Variants in RASGRP3 observed in about 807,000 individuals in gnomAD.
RASGRP3 encodes the protein ras guanyl-releasing protein 3.
RASGRP3 carries 54 observed loss-of-function variants against 82.7 expected under a neutral mutation model. The ratio of observed to expected loss-of-function variants is 0.65; its 90% CI spans 0.52 to 0.82. The LOEUF (loss-of-function observed/expected upper bound fraction) is 0.82. RASGRP3 is among the 40% of genes least tolerant of loss of function. RASGRP3 has a pLI of 0.00. For missense variants in RASGRP3, 861 were observed against 828.9 expected, an observed-to-expected ratio of 1.04 and a Z score of -0.48; for synonymous variants, 309 against 300.5, an observed-to-expected ratio of 1.03 and a Z score of -0.29.
At chr2:33,469,005 C>A (rs534676118) in intron 2 of RASGRP3, among the ~76,000 whole-genome samples, 2 of 148,446 alleles carry the variant, frequency 1.3e-5, no homozygotes, top group Admixed American at 1.4e-4. Context: ...TTTTCCAAAC[C>A]TCCTGCCAAC....
At chr2:33,534,533 CT>C in intron 11 of RASGRP3, 133 bp downstream of exon 11, 1 of 699,298 alleles carries the variant, frequency 1.4e-6, no homozygotes, top group East Asian at 2.8e-5. Flanking sequence ...CTTTCTTTTT[CT>C]TTTTTCTTTT....
chr2:33,561,129 C>CA (rs1417524738), intron 17 of RASGRP3, among the ~76,000 whole-genome samples: 21 of 151,686 alleles, frequency 1.4e-4, no homozygotes, highest in Admixed American at 1.1e-3. Flanking sequence ...TGCAGTGGCA[C>CA]AATCTTAGCT....
intron 1 of RASGRP3, among the ~76,000 whole-genome samples, chr2:33,441,886 A>C (rs899528216): frequency 6.6e-6 from 1 of 152,260 alleles, no homozygotes; most frequent in African/African-American, 2.4e-5. Context: ...CATAACAGAT[A>C]CATTTTGTAA....
chr2:33,497,243 G>A (rs986925667), intron 1 of RASGRP3, among the ~76,000 whole-genome samples: 4 of 152,134 alleles, frequency 2.6e-5, no homozygotes, highest in Admixed American at 2.0e-4. Flanking sequence ...ATATATACAT[G>A]CTCTGTTTCC....
rs145623459 is a variant in RASGRP3, at chr2:33,498,566, T to A, written c.-260-13144T>A. On this transcript the variant is annotated intron_variant, in intron 1 of 17. Transcript: ENST00000403687. ...CCCTCTCTCCCCTTCAAAATGGTTT[T>A]GAGTGAAAGAATGAACAAATATATA... 8.7e-4 allele frequency among the ~76,000 whole-genome samples: 133 copies of A among 152,292 alleles called. 1 individual carries two copies. In the East Asian group the frequency reaches 0.016, roughly 18 times the overall value.
intron 10 of RASGRP3, chr2:33,532,390 G>A (rs1428827220): frequency 6.6e-6 from 1 of 152,158 alleles, no homozygotes; most frequent in Non-Finnish European, 1.5e-5. Flanking sequence ...GTGGTGTCAG[G>A]TCCCACTTAT....
chr2:33,464,351 C>T (rs992049750), intron 2 of RASGRP3, among the ~76,000 whole-genome samples: 2 of 151,214 alleles, frequency 1.3e-5, no homozygotes, highest in African/African-American at 2.4e-5. Context: ...AACTCCTGAG[C>T]TCAGGCAATC....
At chr2:33,498,965 C>T (rs1669594218) in intron 1 of RASGRP3, among the ~76,000 whole-genome samples, 1 of 152,142 alleles carries the variant, frequency 6.6e-6, no homozygotes, top group Admixed American at 6.6e-5. Context: ...GAAGTATTCA[C>T]TGTAATTTTA....
Position 33,508,117 on chromosome 2 carries a change from G to A in RASGRP3, c.-260-3593G>A, listed in dbSNP as rs184713860. The stretch of plus-strand genomic sequence containing the variant: ...GCTAGATATTTGGTTGGCTGATGGT[G>A]CCATTCCCCTGCGATTGAGAAATTG... On this transcript the variant is annotated intron_variant, in intron 1 of 17. Transcript: ENST00000403687. Among the ~76,000 whole-genome samples, 173 of 152,284 alleles carry A rather than the reference G, an allele frequency of 1.1e-3. 2 individuals carry two copies. The highest frequency in any genetic ancestry group is 0.011 in the South Asian group (52 of 4,820).
At chr2:33,447,287 C>T (rs1166177538) in intron 1 of RASGRP3, among the ~76,000 whole-genome samples, 1 of 152,014 alleles carries the variant, frequency 6.6e-6, no homozygotes, top group African/African-American at 2.4e-5. Flanking sequence ...GAGGCTGGGC[C>T]AGGGGGACAG....
At chr2:33,515,291 A>G in intron 3 of RASGRP3, 85 bp downstream of exon 3, 2 of 1,440,408 alleles carry the variant, frequency 1.4e-6, no homozygotes, top group Non-Finnish European at 2.0e-6. Flanking sequence ...CTTGTAGAAC[A>G]GAGTTCAGTC....
At chr2:33,558,522 A>C in intron 16 of RASGRP3, 150 bp from the exon 17 acceptor site, 1 of 1,118,054 alleles carries the variant, frequency 8.9e-7, no homozygotes, top group East Asian at 2.6e-5. Flanking sequence ...AGTCTCAGGA[A>C]TATGTAACTT....
Position 33,543,767 on chromosome 2 carries a change from T to A in RASGRP3, c.1394+140T>A, listed in dbSNP as rs114845896. ...TGATGAGCCAGGTTTAATTTGTCAC[T>A]GATTATTTTCTTGGTGTGTATGAAC... is the stretch of plus-strand genomic sequence containing the variant. On this transcript the variant is annotated intron_variant, in intron 13 of 17. Transcript: ENST00000403687. The A allele has an allele frequency of 7.4e-3, 4,690 of 635,082 alleles. 32 individuals are homozygous for A. Among genetic ancestry groups the A allele is most frequent in the African/African-American group, 0.013 (733 of 54,496 alleles). The allele number at this position is 635,082 out of a possible 1,614,324, so 39.3% of individuals were successfully genotyped here. A position where few individuals can be genotyped will look rare whatever the true frequency, so the allele number is the denominator to read the frequency against.
intron 1 of RASGRP3, among the ~76,000 whole-genome samples, chr2:33,506,711 T>A (rs1383124429): frequency 6.6e-6 from 1 of 152,166 alleles, no homozygotes; most frequent in African/African-American, 2.4e-5. Flanking sequence ...GGACAAAAAA[T>A]TTCTTTTAGA....
chr2:33,444,125 A>G (rs1665379795), intron 1 of RASGRP3, among the ~76,000 whole-genome samples: 1 of 152,070 alleles, frequency 6.6e-6, no homozygotes, highest in Admixed American at 6.6e-5. Flanking sequence ...CAGCATGGCA[A>G]GACCCTGTCT....
chr2:33,516,456 A>G (rs1671476074), intron 3 of RASGRP3, 86 bp from the exon 4 acceptor site: 2 of 838,846 alleles, frequency 2.4e-6, no homozygotes, highest in Admixed American at 5.6e-5. Context: ...TTTTTGACAT[A>G]TGACACTACT....
At chr2:33,539,011 C>T (rs1673945039) in intron 11 of RASGRP3, 83 bp from the exon 12 acceptor site, 1 of 997,966 alleles carries the variant, frequency 1.0e-6, no homozygotes, top group Non-Finnish European at 1.5e-6. Flanking sequence ...TGCACTCCAG[C>T]CTGGGCGACA....
chr2:33,460,670 A>C (rs1404154000), intron 2 of RASGRP3, among the ~76,000 whole-genome samples: 1 of 151,936 alleles, frequency 6.6e-6, no homozygotes, highest in Non-Finnish European at 1.5e-5. Context: ...ACAAGCCGCC[A>C]TGCCCGGCTA....
At chr2:33,444,853 T>A (rs905175327) in intron 1 of RASGRP3, among the ~76,000 whole-genome samples, 5 of 152,240 alleles carry the variant, frequency 3.3e-5, no homozygotes, top group Admixed American at 2.6e-4. Flanking sequence ...TGTAAAAGAC[T>A]TTATCATAAT....
Sources: allele counts gnomAD v4.1 joint callset (sites outside exome capture counted in the v4.1 genomes callset), GRCh38; gene constraint gnomAD v4.1.1; transcripts MANE v1.5; gene names NCBI Gene and HGNC (gene_info 2026-07-23, HGNC 2026-07-21).